Variants in HTR4 observed in about 807,000 individuals in gnomAD.
The protein encoded by HTR4 is 5-hydroxytryptamine (serotonin) receptor 4, G protein-coupled.
HTR4 carries 16 observed loss-of-function variants against 36.8 expected under a neutral mutation model. The ratio of observed to expected loss-of-function variants is 0.43; its 90% CI spans 0.29 to 0.66. The LOEUF (loss-of-function observed/expected upper bound fraction) is 0.66. HTR4 is among the 30% of genes least tolerant of loss of function. The pLI, the probability that HTR4 is intolerant of heterozygous loss-of-function variation, is 0.13. For synonymous variants in HTR4, 189 were observed against 185.1 expected (o/e 1.02, Z -0.17); for missense variants, 438 against 490.9 (o/e 0.89, Z 1.02).
rs1761123749 is a variant in HTR4, at chr5:148,581,294, G to T, written c.27-31032C>A. 2.6e-5 allele frequency among the ~76,000 whole-genome samples: 4 copies of T among 151,774 alleles called. No individual in the cohort carries two copies. The South Asian group carries it at 8.3e-4, about 32-fold the overall frequency. ...AGCAACTATTTTCTCTCATTTCATAGGTCGCCTTTTCACTCTGATGTTTCC... is the reference window on the plus strand; with the variant it reads ...AGCAACTATTTTCTCTCATTTCATATGTCGCCTTTTCACTCTGATGTTTCC... On this transcript the variant is annotated intron_variant, in intron 2 of 6. Coordinates refer to ENST00000377888, the MANE Select transcript of HTR4 (RefSeq NM_000870.7).
At chr5:148,594,951 T>C (rs894501420) in intron 2 of HTR4, among the ~76,000 whole-genome samples, 1 of 152,160 alleles carries the variant, frequency 6.6e-6, no homozygotes, top group Non-Finnish European at 1.5e-5. Flanking sequence ...CTAGAAGCTT[T>C]GACATAAGAA....
At chr5:148,485,695 G>A (rs1255477217) in intron 6 of HTR4, among the ~76,000 whole-genome samples, 2 of 152,252 alleles carry the variant, frequency 1.3e-5, no homozygotes, top group East Asian at 1.9e-4. Context: ...TAGGTGTAAA[G>A]GGGGAAAAAA....
intron 2 of HTR4, among the ~76,000 whole-genome samples, chr5:148,612,124 C>T (rs991795189): frequency 6.6e-6 from 1 of 152,160 alleles, no homozygotes; most frequent in Non-Finnish European, 1.5e-5. Flanking sequence ...ATCAACGAGA[C>T]AGAAAGTCAA....
intron 2 of HTR4, among the ~76,000 whole-genome samples, chr5:148,556,210 G>T (rs1200921190): frequency 6.6e-6 from 1 of 152,094 alleles, no homozygotes; most frequent in African/African-American, 2.4e-5. Context: ...TTTTAGTAGG[G>T]ACAGGGTTTC....
chr5:148,474,598 T>C (rs1175365735), downstream of HTR4, among the ~76,000 whole-genome samples: 1 of 152,186 alleles, frequency 6.6e-6, no homozygotes, highest in Non-Finnish European at 1.5e-5. Flanking sequence ...TTTAAATGAC[T>C]ATTCATCCAG....
intron 2 of HTR4, among the ~76,000 whole-genome samples, chr5:148,573,235 C>T (rs187468225): frequency 6.6e-6 from 1 of 152,208 alleles, no homozygotes; most frequent in East Asian, 1.9e-4. Flanking sequence ...AGCTGAAATG[C>T]TGTATTGAGA....
intron 2 of HTR4, among the ~76,000 whole-genome samples, chr5:148,588,108 T>C (rs767900798): frequency 4.6e-5 from 7 of 152,106 alleles, no homozygotes; most frequent in Non-Finnish European, 5.9e-5. Context: ...GCTCGTAAGA[T>C]TGAGATCTAA....
chr5:148,547,442 C>A (rs1759432043), intron 4 of HTR4, among the ~76,000 whole-genome samples: 1 of 151,620 alleles, frequency 6.6e-6, no homozygotes, highest in South Asian at 2.1e-4. Flanking sequence ...TGGCGAGAAC[C>A]CGGGAGGTGG....
chr5:148,541,760 G>C (rs1041248823), intron 4 of HTR4, among the ~76,000 whole-genome samples: 1 of 152,178 alleles, frequency 6.6e-6, no homozygotes, highest in African/African-American at 2.4e-5. Context: ...TGAAAGCTGA[G>C]CTAAGAATTT....
At chr5:148,605,446 T>TG (rs1298962028) in intron 2 of HTR4, among the ~76,000 whole-genome samples, 1 of 151,424 alleles carries the variant, frequency 6.6e-6, no homozygotes, top group African/African-American at 2.4e-5. Flanking sequence ...TTTGTAGAGA[T>TG]GGGGTTTCAC....
At chr5:148,476,533 A>G (rs766951010), downstream of HTR4, 1 of 1,372,050 alleles carries the variant, frequency 7.3e-7, no homozygotes, top group South Asian at 1.9e-5. Flanking sequence ...TGGGTGGAGT[A>G]CTAATGGCAG....
chr5:148,628,828 A>G (rs1160882038), intron 2 of HTR4: 1 of 152,202 alleles, frequency 6.6e-6, no homozygotes, highest in East Asian at 1.9e-4. Flanking sequence ...CACAGCTTCA[A>G]TCACGTTTCT....
At chr5:148,567,103 A>G (rs1209969119) in intron 2 of HTR4, among the ~76,000 whole-genome samples, 2 of 152,132 alleles carry the variant, frequency 1.3e-5, no homozygotes, top group African/African-American at 4.8e-5. Context: ...GAAGTTTTTA[A>G]TTGCAAATGT....
chr5:148,474,484 A>G (rs1411034075), downstream of HTR4, among the ~76,000 whole-genome samples: 1 of 152,152 alleles, frequency 6.6e-6, no homozygotes, highest in African/African-American at 2.4e-5. Flanking sequence ...CCCTAATGAC[A>G]TTCAATACGG....
intron 1 of HTR4, chr5:148,645,367 G>C (rs1472321835): frequency 6.6e-6 from 1 of 152,090 alleles, no homozygotes; most frequent in Non-Finnish European, 1.5e-5. Context: ...TAAATACATG[G>C]ACATAGAAAT....
intron 2 of HTR4, among the ~76,000 whole-genome samples, chr5:148,558,867 G>T (rs1760069415): frequency 6.6e-6 from 1 of 152,192 alleles, no homozygotes; most frequent in Non-Finnish European, 1.5e-5. Context: ...TGTTTTGACA[G>T]TATACATCAT....
At chr5:148,527,096 G>A (rs1346175119) in intron 4 of HTR4, among the ~76,000 whole-genome samples, 1 of 152,150 alleles carries the variant, frequency 6.6e-6, no homozygotes, top group African/African-American at 2.4e-5. Context: ...ACCCTGATTT[G>A]ATCACTACAC....
chr5:148,530,255 T>A (rs528476930), intron 4 of HTR4, among the ~76,000 whole-genome samples: 1 of 152,250 alleles, frequency 6.6e-6, no homozygotes, highest in South Asian at 2.1e-4. Context: ...AGAAAATGTC[T>A]CCAGGCCATG....
chr5:148,481,666 T>G lies in HTR4; in HGVS notation c.*1537A>C, dbSNP rs1755893019. 6.7e-7 allele frequency: 1 copy of G among 1,488,486 alleles called. No homozygotes were observed. Among genetic ancestry groups the G allele is most frequent in the Admixed American group, 2.7e-5 (1 of 37,068 alleles). The allele number at this position is 1,488,486 out of a possible 1,614,324, so 92.2% of individuals were successfully genotyped here. On this transcript the variant is annotated 3_prime_UTR_variant, in exon 7 of 7. Coordinates refer to ENST00000377888, the MANE Select transcript of HTR4 (RefSeq NM_000870.7). ...AACAATGGAAACAATAACTGACACC[T>G]TATAAGCAATAAGAAAAAAAGAGAA...
Sources: gnomAD v4.1 joint callset for allele counts (sites outside exome capture counted in the v4.1 genomes callset) on GRCh38, gnomAD v4.1.1 for gene constraint, MANE v1.5 for transcripts, NCBI Gene and HGNC (gene_info 2026-07-23, HGNC 2026-07-21) for gene names.